Variants in COL28A1 observed in about 807,000 individuals in gnomAD.
COL28A1 encodes the protein collagen alpha-1(XXVIII) chain.
Under a neutral mutation model 150.2 loss-of-function variants are expected in COL28A1, and 161 were observed. The observed-to-expected ratio is 1.07, with a 90% CI of 0.94 to 1.22. COL28A1 has a LOEUF of 1.22. Ranked by LOEUF, COL28A1 falls within the 50% of genes most tolerant of loss-of-function variation. The pLI is 0.00. For missense variants in COL28A1, 1,617 were observed against 1,388.3 expected, an observed-to-expected ratio of 1.16 and a Z score of -2.62; for synonymous variants, 552 against 469.7, an observed-to-expected ratio of 1.18 and a Z score of -2.26.
At chr7:7,387,585 G>A (rs1782263577) in intron 27 of COL28A1, among the ~76,000 whole-genome samples, 1 of 151,016 alleles carries the variant, frequency 6.6e-6, no homozygotes. Context: ...AAAATAATAT[G>A]ACACAGACAT....
At chr7:7,441,240 T>A (rs534939398) in intron 20 of COL28A1, among the ~76,000 whole-genome samples, 53 of 152,292 alleles carry the variant, frequency 3.5e-4, no homozygotes, top group Non-Finnish European at 3.5e-4. Context: ...ATTTTTCTAT[T>A]TCAGGTTTAA....
At chr7:7,414,819 C>G (rs746071606) in intron 27 of COL28A1, among the ~76,000 whole-genome samples, 1 of 152,214 alleles carries the variant, frequency 6.6e-6, no homozygotes, top group Non-Finnish European at 1.5e-5. Flanking sequence ...AAACTCATTA[C>G]TTGGCCTATA....
At chr7:7,533,367 C>T in intron 1 of COL28A1, among the ~76,000 whole-genome samples, 1 of 152,020 alleles carries the variant, frequency 6.6e-6, no homozygotes, top group East Asian at 1.9e-4. Flanking sequence ...GAACTGTAGA[C>T]AACCACCACC....
rs371597343 is a variant in COL28A1 at position 7,444,514 on chromosome 7, T to G, written c.1510-25A>C. On this transcript the variant is annotated intron_variant, in intron 18 of 34. Coordinates refer to ENST00000399429, the MANE Select transcript of COL28A1 (RefSeq NM_001037763.3). ...CCTGGTGAATGAACAAATATTTTAT[T>G]TCCCTAAAGTTCATACCTCCATTCT... 1.8e-4 allele frequency: 295 copies of G among 1,608,190 alleles called. No homozygotes were observed. In the African/African-American group the frequency reaches 3.4e-3, roughly 18 times the overall value.
chr7:7,454,402 A>G (rs1786968830), intron 16 of COL28A1, among the ~76,000 whole-genome samples: 1 of 152,214 alleles, frequency 6.6e-6, no homozygotes, highest in Non-Finnish European at 1.5e-5. Context: ...TAAAAGGTAA[A>G]TAAATTCTTT....
At chr7:7,420,740 C>G (rs1784350284) in intron 25 of COL28A1, among the ~76,000 whole-genome samples, 1 of 152,122 alleles carries the variant, frequency 6.6e-6, no homozygotes, top group African/African-American at 2.4e-5. Flanking sequence ...TGAGACAAAG[C>G]TTGTAAGTGT....
At chr7:7,350,892 A>T in the COL28A1 span, among the ~76,000 whole-genome samples, 1 of 152,188 alleles carries the variant, frequency 6.6e-6, no homozygotes, top group East Asian at 1.9e-4. Context: ...CAAGAAACTG[A>T]GTGTGAAGTT....
At chr7:7,364,513 C>G (rs898303878) in intron 33 of COL28A1, among the ~76,000 whole-genome samples, 3 of 152,170 alleles carry the variant, frequency 2.0e-5, no homozygotes, top group Non-Finnish European at 2.9e-5. Flanking sequence ...TTCCCATTGT[C>G]GTCACTCCTC....
chr7:7,372,914 C>G (rs1781310038), intron 32 of COL28A1, 84 bp downstream of exon 32: 3 of 1,165,334 alleles, frequency 2.6e-6, no homozygotes, highest in Non-Finnish European at 3.7e-6. Context: ...CCAGATTTTT[C>G]TATTTGGTCA....
chr7:7,522,027 TTGTATTTCAAATACATTTCAAAG>T (rs1781755195), intron 4 of COL28A1, 66 bp from the exon 5 acceptor site: 2 of 822,748 alleles, frequency 2.4e-6, no homozygotes, highest in South Asian at 1.3e-5. Flanking sequence ...GCATTTCAAA[TTGTATTTCAAATACATTTCAAAG>T]TGTATTTCAA....
chr7:7,412,144 T>C (rs1299654709), intron 27 of COL28A1, among the ~76,000 whole-genome samples: 1 of 152,064 alleles, frequency 6.6e-6, no homozygotes, highest in Non-Finnish European at 1.5e-5. Flanking sequence ...ACCAATAAAA[T>C]GTGAGCAGAG....
At chr7:7,366,675 T>A (rs1439125783) in intron 33 of COL28A1, among the ~76,000 whole-genome samples, 1 of 152,060 alleles carries the variant, frequency 6.6e-6, no homozygotes, top group Non-Finnish European at 1.5e-5. Flanking sequence ...CATATTTTGG[T>A]AGAAAGAAGA....
chr7:7,360,607 A>G lies in COL28A1; in HGVS notation c.3067-79T>C, dbSNP rs1780602294. On this transcript the variant is annotated intron_variant, in intron 33 of 34. Transcript: ENST00000399429. Reference sequence around the variant, plus strand: ...ACTAGTTTGCTTTTGGGAACATATAAAGACTAGTTCAGCCATGCTGTGTTT... The same window carrying G: ...ACTAGTTTGCTTTTGGGAACATATAGAGACTAGTTCAGCCATGCTGTGTTT... 1.1e-5 allele frequency: 14 copies of G among 1,325,610 alleles called. No individual in the cohort carries two copies. The East Asian group carries it at 3.6e-4, about 34-fold the overall frequency. The allele number at this position is 1,325,610 out of a possible 1,614,324, so 82.1% of individuals were successfully genotyped here.
intron 11 of COL28A1, among the ~76,000 whole-genome samples, chr7:7,498,168 T>C (rs1276222509): frequency 6.6e-6 from 1 of 152,184 alleles, no homozygotes; most frequent in Non-Finnish European, 1.5e-5. Flanking sequence ...TGGCAATTCA[T>C]GTGTTTCAAC....
the COL28A1 span, among the ~76,000 whole-genome samples, chr7:7,339,200 TCTA>T: frequency 6.6e-6 from 1 of 152,194 alleles, no homozygotes; most frequent in East Asian, 1.9e-4. Flanking sequence ...ACACCCCATG[TCTA>T]CTTTCATCGA....
intron 18 of COL28A1, among the ~76,000 whole-genome samples, chr7:7,449,371 A>G (rs1403821132): frequency 2.0e-5 from 3 of 151,890 alleles, no homozygotes; most frequent in African/African-American, 7.2e-5. Context: ...TTAATAAGTA[A>G]CTTTTGGTAC....
At chr7:7,493,984 G>C (rs1024727912) in intron 11 of COL28A1, among the ~76,000 whole-genome samples, 2 of 152,060 alleles carry the variant, frequency 1.3e-5, no homozygotes, top group Non-Finnish European at 2.9e-5. Context: ...AAAGAGGTCT[G>C]GGTTAAAATC....
chr7:7,444,332 A>G, intron 19 of COL28A1, 86 bp downstream of exon 19: 1 of 1,573,450 alleles, frequency 6.4e-7, no homozygotes. Context: ...TTTGTCCTGA[A>G]TGGTTTTATT....
chr7:7,432,063 G>C (rs187223147), intron 25 of COL28A1, among the ~76,000 whole-genome samples: 36 of 152,288 alleles, frequency 2.4e-4, no homozygotes, highest in African/African-American at 8.4e-4. Context: ...GGGGATACAT[G>C]GTAGGAAATT....
Sources: allele counts gnomAD v4.1 joint callset (sites outside exome capture counted in the v4.1 genomes callset), GRCh38; gene constraint gnomAD v4.1.1; transcripts MANE v1.5; gene names NCBI Gene and HGNC (gene_info 2026-07-23, HGNC 2026-07-21).